FLNB: variants seen among roughly 807,000 people sequenced by gnomAD.
FLNB encodes the protein filamin-B.
FLNB carries 111 observed loss-of-function variants against 250.6 expected under a neutral mutation model. The ratio of observed to expected loss-of-function variants is 0.44; its 90% CI spans 0.38 to 0.52. FLNB has a LOEUF of 0.52. Among genes scored for constraint, FLNB ranks in the 20% least tolerant of loss-of-function variants. The pLI is 0.00. For missense variants in FLNB, 2,869 were observed against 3,447.8 expected (o/e 0.83, Z 4.20); for synonymous variants, 1,302 against 1,372.1 (o/e 0.95, Z 1.13).
At chr3:58,102,059 G>A in intron 8 of FLNB, 144 bp from the exon 9 acceptor site, 1 of 802,882 alleles carries the variant, frequency 1.2e-6, no homozygotes, top group South Asian at 1.6e-5. Context: ...TGCTCCCTGA[G>A]TGGGACCCCT....
intron 27 of FLNB, among the ~76,000 whole-genome samples, chr3:58,135,305 G>C (rs2097314100): frequency 6.6e-6 from 1 of 152,138 alleles, no homozygotes; most frequent in Non-Finnish European, 1.5e-5. Flanking sequence ...AAGCCACCTG[G>C]GTGCCCTGCA....
At chr3:58,105,848 C>T (rs531783705) in intron 11 of FLNB, among the ~76,000 whole-genome samples, 30 of 152,256 alleles carry the variant, frequency 2.0e-4, no homozygotes, top group African/African-American at 6.7e-4. Flanking sequence ...TTTAGCAACC[C>T]GTTTTAGGTA....
intron 1 of FLNB, among the ~76,000 whole-genome samples, chr3:58,036,163 A>T (rs1006470790): frequency 3.3e-5 from 5 of 152,154 alleles, no homozygotes; most frequent in Admixed American, 2.6e-4. Context: ...CTTTATTCTG[A>T]CTGTGCTCTT....
chr3:58,140,195 C>T (rs1489342633), intron 29 of FLNB, among the ~76,000 whole-genome samples: 7 of 152,146 alleles, frequency 4.6e-5, no homozygotes, highest in Admixed American at 2.6e-4. Context: ...AAAAGGACAC[C>T]GACCAGCACT....
intron 1 of FLNB, among the ~76,000 whole-genome samples, chr3:58,067,577 TTTTG>T (rs2097187529): frequency 7.5e-6 from 1 of 133,034 alleles, no homozygotes; most frequent in Non-Finnish European, 1.6e-5. Context: ...AAGAGGTTTT[TTTTG>T]TTTGTTTTTT....
chr3:58,140,919 TAA>T (rs1200759330), intron 29 of FLNB, among the ~76,000 whole-genome samples: 1 of 152,174 alleles, frequency 6.6e-6, no homozygotes, highest in Non-Finnish European at 1.5e-5. Context: ...GCATTAAAGC[TAA>T]GATTTGTTGA....
intron 4 of FLNB, among the ~76,000 whole-genome samples, chr3:58,087,323 G>T (rs2097218846): frequency 1.3e-5 from 2 of 152,166 alleles, no homozygotes; most frequent in Admixed American, 1.3e-4. Context: ...TGAGGTCTAG[G>T]ATTTGTGTCA....
At chr3:58,038,427 T>A (rs1383854860) in intron 1 of FLNB, among the ~76,000 whole-genome samples, 1 of 149,020 alleles carries the variant, frequency 6.7e-6, no homozygotes, top group African/African-American at 2.6e-5. Flanking sequence ...TCTGATTGTT[T>A]GTGAATTGAT....
chr3:58,010,430 C>T (rs2097096937), intron 1 of FLNB, among the ~76,000 whole-genome samples: 1 of 152,156 alleles, frequency 6.6e-6, no homozygotes, highest in Non-Finnish European at 1.5e-5. Flanking sequence ...GCAGCCGCAC[C>T]ACCCAGCTGA....
At chr3:58,029,358 A>C (rs2097127658) in intron 1 of FLNB, among the ~76,000 whole-genome samples, 1 of 152,144 alleles carries the variant, frequency 6.6e-6, no homozygotes, top group Admixed American at 6.5e-5. Flanking sequence ...AAAGCCTCAT[A>C]CTGCTAATCT....
In FLNB at chr3:58,154,933, G is replaced by A; in HGVS notation, c.6772+5G>A. 6.2e-7 allele frequency: 1 copy of A among 1,613,186 alleles called. No homozygotes were observed. Among genetic ancestry groups the A allele is most frequent in the Non-Finnish European group, 8.5e-7 (1 of 1,179,138 alleles). ...CTTATATTGCCCAAGAGCCTGGTATGTATTCAGGGTTCACAAGAGGACATT... is the reference window on the plus strand; with the variant it reads ...CTTATATTGCCCAAGAGCCTGGTATATATTCAGGGTTCACAAGAGGACATT... On this transcript the variant is annotated splice_donor_5th_base_variant and intron_variant, in intron 40 of 45. Transcript: ENST00000295956.
At chr3:58,039,279 ATTAC>A (rs1197388080) in intron 1 of FLNB, among the ~76,000 whole-genome samples, 2 of 151,192 alleles carry the variant, frequency 1.3e-5, no homozygotes, top group Admixed American at 6.6e-5. Flanking sequence ...TGGTTTGTTA[ATTAC>A]TTCTCGTTGG....
chr3:58,073,574 A>ATTT (rs71091339), intron 1 of FLNB, among the ~76,000 whole-genome samples: 13 of 143,948 alleles, frequency 9.0e-5, no homozygotes, highest in African/African-American at 3.4e-4. Flanking sequence ...GAAGTTCTTA[A>ATTT]TTTTTTTTTT....
At chr3:58,126,807 C>T (rs1306669787) in intron 24 of FLNB, 45 bp downstream of exon 24, 1 of 1,580,460 alleles carries the variant, frequency 6.3e-7, no homozygotes, top group Non-Finnish European at 8.7e-7. Context: ...ATTGATTTTG[C>T]AGGAAAATGG....
intron 4 of FLNB, among the ~76,000 whole-genome samples, chr3:58,092,844 T>C (rs2097230498): frequency 1.3e-5 from 2 of 152,212 alleles, no homozygotes; most frequent in South Asian, 4.1e-4. Context: ...GTATTTCGCT[T>C]CCGGTCACCA....
At chr3:58,047,781 C>G (rs905682088) in intron 1 of FLNB, among the ~76,000 whole-genome samples, 1 of 152,018 alleles carries the variant, frequency 6.6e-6, no homozygotes, top group African/African-American at 2.4e-5. Context: ...CCAAGCTGGT[C>G]GTGAACTATT....
At chr3:58,170,250 T>G (rs577465939) in intron 45 of FLNB, among the ~76,000 whole-genome samples, 5 of 152,216 alleles carry the variant, frequency 3.3e-5, no homozygotes, top group Non-Finnish European at 5.9e-5. Flanking sequence ...TACTGTGTGC[T>G]AGGTTTTGAC....
At position 58,109,308 on chromosome 3, in the gene FLNB, C is replaced by T. The variant is rs2107118309; in HGVS notation, c.2185C>T (p.His729Tyr). Reference sequence around the variant, plus strand: ...GGTCTGGGGAGGCGTGAACATCCCGCACAGCCCCTACAGGGTAGGTTGTGA... The same window carrying T: ...GGTCTGGGGAGGCGTGAACATCCCGTACAGCCCCTACAGGGTAGGTTGTGA... ...AVVWGGVNIPHSPYRVNIGQG... is the reference protein window; with the variant it reads ...AVVWGGVNIPYSPYRVNIGQG... The change falls in exon 14 of 46, where the codon CAC becomes TAC. Residue 729 changes from histidine (H) to tyrosine (Y), a missense_variant. Around this residue, in one of 5 missense-constraint regions of FLNB, gnomAD observed 1,348 missense variants for 1,466.7 expected, o/e 0.92. Coordinates refer to ENST00000295956, the MANE Select transcript of FLNB (RefSeq NM_001457.4). 1.2e-6 allele frequency: 2 copies of T among 1,613,908 alleles called. No individual in the cohort carries two copies. The highest frequency in any genetic ancestry group is 4.5e-5 in the East Asian group (2 of 44,878).
chr3:58,097,913 T>C lies in FLNB; in HGVS notation c.1083T>C (p.Gly361=). 6.2e-7 allele frequency: 1 copy of C among 1,614,102 alleles called. No individual in the cohort carries two copies. The highest frequency in any genetic ancestry group is 8.5e-7 in the Non-Finnish European group (1 of 1,179,992). The change falls in exon 7 of 46, where the codon GGT becomes GGC. Residue 361 remains glycine, a synonymous_variant. Coordinates refer to ENST00000295956, the MANE Select transcript of FLNB (RefSeq NM_001457.4). ...ATGCCAGTAAAGTCACTGCAAAAGG[T>C]CCAGGGTTGGAAGCTGTAGGGAACA... is the stretch of plus-strand genomic sequence containing the variant. ...QGDASKVTAK[G]PGLEAVGNIA...
Sources: gnomAD v4.1 joint callset for allele counts (sites outside exome capture counted in the v4.1 genomes callset) on GRCh38, gnomAD v4.1.1 for gene constraint, gnomAD v4.1.1 regional missense constraint, MANE v1.5 for transcripts, NCBI Gene and HGNC (gene_info 2026-07-23, HGNC 2026-07-21) for gene names.